ATP2C2: variants seen among roughly 807,000 people sequenced by gnomAD.
ATP2C2 encodes the protein calcium-transporting ATPase type 2C member 2.
A neutral mutation model predicts 110.8 loss-of-function variants in ATP2C2; 171 were observed. The observed-to-expected ratio is 1.54, with a 90% confidence interval of 1.36 to 1.75. ATP2C2 has a LOEUF of 1.75. Ranked by LOEUF, ATP2C2 falls within the 40% of genes most tolerant of loss-of-function variation. ATP2C2 has a pLI of 0.00. For missense variants in ATP2C2, 1,963 were observed against 1,235.0 expected, an observed-to-expected ratio of 1.59 and a Z score of -8.84; for synonymous variants, 804 against 508.4, an observed-to-expected ratio of 1.58 and a Z score of -7.82.
rs192040431 is a variant in ATP2C2, at chr16:84,454,085, C to A, written c.1980+714C>A. ...CAAACTCCTGACCTCAGGTGATCCG[C>A]CTATCTTCGCCTCCCAAAGTGCTGG... On this transcript the variant is annotated intron_variant, in intron 20 of 26. Transcript: ENST00000262429. Among the ~76,000 whole-genome samples, 686 of 152,294 alleles carry A rather than the reference C, an allele frequency of 4.5e-3. 6 individuals carry two copies. Among genetic ancestry groups the A allele is most frequent in the East Asian group, 0.023 (121 of 5,168 alleles).
At chr16:84,461,877 C>T in intron 25 of ATP2C2, 65 bp downstream of exon 25, 2 of 1,608,058 alleles carry the variant, frequency 1.2e-6, no homozygotes, top group Non-Finnish European at 1.7e-6. Context: ...AGCGCCCCGA[C>T]CCTGCCCGCA....
chr16:84,431,670 C>T (rs1908294092), intron 11 of ATP2C2, among the ~76,000 whole-genome samples: 1 of 152,170 alleles, frequency 6.6e-6, no homozygotes, highest in East Asian at 1.9e-4. Flanking sequence ...GGGGGGACCA[C>T]AGCTGAGCTC....
At chr16:84,409,831 C>A (rs1479383363) in intron 4 of ATP2C2, among the ~76,000 whole-genome samples, 2 of 152,130 alleles carry the variant, frequency 1.3e-5, no homozygotes, top group Non-Finnish European at 2.9e-5. Flanking sequence ...TGTCATTCCC[C>A]ACTTCTTTCC....
In ATP2C2 at chr16:84,451,940, G is replaced by A. The variant is rs1327437419; in HGVS notation, c.1680G>A (p.Gly560=). The change falls in exon 18 of 27, where the codon GGG becomes GGA. Residue 560 remains glycine, a synonymous_variant. Transcript: ENST00000262429. The part of the protein sequence containing the change: ...LGLRVLALAS[G]PELGRLTFLG... ...CCTCAGTGCTGGCCCTGGCTTCTGG[G>A]CCCGAGCTGGGGCGGCTGACGTTTC... The A allele has an allele frequency of 3.7e-6, 6 of 1,613,906 alleles. No individual in the cohort carries two copies. Among genetic ancestry groups the A allele is most frequent in the Admixed American group, 1.7e-5 (1 of 59,990 alleles).
chr16:84,439,021 C>T (rs933624561), intron 11 of ATP2C2, 145 bp from the exon 12 acceptor site: 4 of 1,265,878 alleles, frequency 3.2e-6, no homozygotes, highest in African/African-American at 3.0e-5. Flanking sequence ...GGCAGGTGCA[C>T]CTTAGGATTG....
At position 84,410,562 on chromosome 16, in the gene ATP2C2, G is replaced by C; in HGVS notation, c.418-6G>C. ...GTACTGACACCCTCCTCCGTTTGCT[G>C]TCTAGGCAGTGCTTGTCGTGGTCAC... is the stretch of plus-strand genomic sequence containing the variant. On this transcript the variant is annotated splice_region_variant and splice_polypyrimidine_tract_variant and intron_variant, in intron 4 of 26. Transcript: ENST00000262429. 1.2e-6 allele frequency: 2 copies of C among 1,613,902 alleles called. No homozygotes were observed. Among genetic ancestry groups the C allele is most frequent in the African/African-American group, 1.3e-5 (1 of 75,048 alleles).
chr16:84,376,996 A>T (rs538047106), intron 1 of ATP2C2, among the ~76,000 whole-genome samples: 3 of 152,200 alleles, frequency 2.0e-5, no homozygotes, highest in Admixed American at 6.5e-5. Flanking sequence ...GGATCTGTGG[A>T]CGCTTCAGAG....
chr16:84,463,134 G>C (rs1045670742), intron 26 of ATP2C2: 1 of 165,352 alleles, frequency 6.0e-6, no homozygotes, highest in African/African-American at 2.4e-5. Flanking sequence ...CATCAACAGG[G>C]AGCCAGGGAT....
Position 84,462,022 on chromosome 16 carries a change from AC to A in ATP2C2, c.2617del (p.His873ThrfsTer40). 1 of 1,613,938 alleles carries A rather than the reference AC, an allele frequency of 6.2e-7. No homozygotes were observed. The highest frequency in any genetic ancestry group is 8.5e-7 in the Non-Finnish European group (1 of 1,179,882). Reference protein sequence around the residue: ...KLIFEIGFLRNHMFLYSVLGS... With the variant: ...KLIFEIGFLRXHMFLYSVLGS... ...ATATTTGAGATCGGCTTTCTCAGGA[AC>A]CACATGTTCCTCTACTCCGTCCTGG... On this transcript the variant is annotated frameshift_variant, in exon 26 of 27. Transcript: ENST00000262429. LOFTEE classifies it high-confidence loss of function.
intron 21 of ATP2C2, among the ~76,000 whole-genome samples, chr16:84,458,752 C>G (rs1203262472): frequency 6.6e-6 from 1 of 152,200 alleles, no homozygotes; most frequent in Admixed American, 6.5e-5. Flanking sequence ...ACTGGTTTTG[C>G]TGCGTCTCTC....
At position 84,448,345 on chromosome 16, in the gene ATP2C2, G is replaced by A. The variant is rs183358738; in HGVS notation, c.1504-188G>A. Among the ~76,000 whole-genome samples, 206 of 152,258 alleles carry A rather than the reference G, an allele frequency of 1.4e-3. 3 individuals carry two copies. Among genetic ancestry groups the A allele is most frequent in the Admixed American group, 0.012 (179 of 15,298 alleles). On this transcript the variant is annotated intron_variant, in intron 16 of 26. Coordinates refer to ENST00000262429, the MANE Select transcript of ATP2C2 (RefSeq NM_014861.4). Reference sequence around the variant, plus strand: ...TTGTTCTTTCTCTGGACTGCAAAACGTTCCATGGATGGATTCTAGAACTTC... The same window carrying A: ...TTGTTCTTTCTCTGGACTGCAAAACATTCCATGGATGGATTCTAGAACTTC...
intron 7 of ATP2C2, among the ~76,000 whole-genome samples, chr16:84,419,902 A>G (rs555935009): frequency 4.3e-4 from 66 of 152,254 alleles, no homozygotes; most frequent in Admixed American, 3.4e-3. Context: ...CCCAAATGGG[A>G]GAGACTTGCC....
intron 21 of ATP2C2, 93 bp downstream of exon 21, chr16:84,455,077 G>T (rs1166344881): frequency 8.0e-6 from 12 of 1,493,040 alleles, no homozygotes; most frequent in Non-Finnish European, 1.1e-5. Context: ...TAGAGGGGGG[G>T]GTCTCGCGGA....
At chr16:84,388,767 G>C (rs1194915763) in intron 1 of ATP2C2, among the ~76,000 whole-genome samples, 2 of 151,966 alleles carry the variant, frequency 1.3e-5, no homozygotes, top group Non-Finnish European at 2.9e-5. Context: ...TTTTTGTTTT[G>C]TTTTATTTCT....
intron 6 of ATP2C2, among the ~76,000 whole-genome samples, chr16:84,412,309 T>A (rs578034218): frequency 7.3e-6 from 1 of 136,302 alleles, no homozygotes. Flanking sequence ...TGTGAGCATG[T>A]CTGCACGTGT....
intron 11 of ATP2C2, among the ~76,000 whole-genome samples, chr16:84,433,041 G>T (rs1908419688): frequency 6.6e-6 from 1 of 152,160 alleles, no homozygotes; most frequent in African/African-American, 2.4e-5. Context: ...CCTCAAGGAG[G>T]CTGCCAGAGA....
rs775248461 is a variant in ATP2C2 at position 84,460,702 on chromosome 16, G to C, written c.2382G>C (p.Arg794=). 2 of 1,614,230 alleles carry C rather than the reference G, an allele frequency of 1.2e-6. No individual in the cohort carries two copies. The highest frequency in any genetic ancestry group is 2.2e-5 in the South Asian group (2 of 91,084). ...VDKDAFRQPP[R]SVRDTILSRA... ...AAGACGCCTTCAGGCAGCCACCACGGAGTGTGCGGGACACCATCCTCAGCA... is the reference window on the plus strand; with the variant it reads ...AAGACGCCTTCAGGCAGCCACCACGCAGTGTGCGGGACACCATCCTCAGCA... The change falls in exon 24 of 27, where the codon CGG becomes CGC. Residue 794 remains arginine, a synonymous_variant. Transcript: ENST00000262429.
chr16:84,398,125 G>C (rs573137272), intron 1 of ATP2C2, among the ~76,000 whole-genome samples: 1 of 151,814 alleles, frequency 6.6e-6, no homozygotes, highest in Non-Finnish European at 1.5e-5. Context: ...ACATGTGGCC[G>C]GGCGCAGTGG....
At chr16:84,432,435 C>A (rs932209595) in intron 11 of ATP2C2, among the ~76,000 whole-genome samples, 1 of 151,952 alleles carries the variant, frequency 6.6e-6, no homozygotes, top group Non-Finnish European at 1.5e-5. Flanking sequence ...TCCCCCGAAC[C>A]CCCCGACAGG....
Sources: gnomAD v4.1 joint callset for allele counts (sites outside exome capture counted in the v4.1 genomes callset) on GRCh38, gnomAD v4.1.1 for gene constraint, MANE v1.5 for transcripts, NCBI Gene and HGNC (gene_info 2026-07-23, HGNC 2026-07-21) for gene names.